The following CAPN3 variants were observed in gnomAD, a reference collection of about 807,000 sequenced individuals.
CAPN3 encodes the protein calpain-3.
In CAPN3, 88 loss-of-function variants were observed where a neutral mutation model predicts 114.0. The ratio of observed to expected loss-of-function variants is 0.77; its 90% CI spans 0.65 to 0.92. The LOEUF (loss-of-function observed/expected upper bound fraction) is 0.92. CAPN3 is among the 40% of genes least tolerant of loss of function. The pLI is 0.00. For synonymous variants in CAPN3, 386 were observed against 382.9 expected, an observed-to-expected ratio of 1.01 and a Z score of -0.09; for missense variants, 1,028 against 1,069.0, an observed-to-expected ratio of 0.96 and a Z score of 0.53.
At chr15:42,376,488 TTCTTCACTGGGAGCTCTCA>T (rs2053091745) in intron 1 of CAPN3, among the ~76,000 whole-genome samples, 1 of 152,152 alleles carries the variant, frequency 6.6e-6, no homozygotes, top group Non-Finnish European at 1.5e-5. Context: ...TGTCCCAGCT[TTCTTCACTGGGAGCTCTCA>T]GTTGGCTCCT....
chr15:42,403,889 G>A (rs1342229916), intron 14 of CAPN3, 112 bp downstream of exon 14: 1 of 981,744 alleles, frequency 1.0e-6, no homozygotes, highest in African/African-American at 1.6e-5. Context: ...ATGGGAGTCT[G>A]GGCTGTGCTG....
chr15:42,377,393 TC>T (rs1297723607), intron 1 of CAPN3, among the ~76,000 whole-genome samples: 1 of 152,232 alleles, frequency 6.6e-6, no homozygotes, highest in East Asian at 1.9e-4. Flanking sequence ...TGAATGGGTG[TC>T]AGATTTTGTC....
Position 42,359,561 on chromosome 15 carries a change from T to G in CAPN3, c.-245T>G. 1 of 1,371,852 alleles carries G rather than the reference T, an allele frequency of 7.3e-7. No homozygotes were observed. Among genetic ancestry groups the G allele is most frequent in the Non-Finnish European group, 9.4e-7 (1 of 1,062,702 alleles). 85.0% of individuals were successfully genotyped at this position (1,371,852 alleles called of 1,614,324 possible). On this transcript the variant is annotated 5_prime_UTR_variant, in exon 1 of 24. It adds an upstream start codon to the 5' untranslated region. Coordinates refer to ENST00000397163, the MANE Select transcript of CAPN3 (RefSeq NM_000070.3). ...TGGTAGGAGACCCCCAAGTCAACAT[T>G]GCTTCAGAAATCCTTTAGCACTCAT...
At chr15:42,411,366 A>G (rs376740475) in intron 23 of CAPN3, 21 bp downstream of exon 23, 1 of 1,610,678 alleles carries the variant, frequency 6.2e-7, no homozygotes, top group East Asian at 2.2e-5. Context: ...GGCACAGCAC[A>G]TTCCCCCTAC....
Position 42,359,878 on chromosome 15 carries a change from C to T in CAPN3, c.73C>T (p.His25Tyr), listed in dbSNP as rs61735534. The T allele has an allele frequency of 1.5e-3, 2,361 of 1,614,210 alleles. 36 individuals carry two copies. In the African/African-American group the frequency reaches 0.028, roughly 19 times the overall value. ...AEPRSPGPVP[H>Y]PAQSKATEAG... The stretch of plus-strand genomic sequence containing the variant: ...GCCCCGGTCCCCAGGGCCAGTTCCT[C>T]ACCCGGCCCAGAGCAAGGCCACTGA... The change falls in exon 1 of 24, where the codon CAC becomes TAC. Residue 25 changes from histidine (H) to tyrosine (Y), a missense_variant. Coordinates refer to ENST00000397163, the MANE Select transcript of CAPN3 (RefSeq NM_000070.3).
At position 42,359,722 on chromosome 15, in the gene CAPN3, T is replaced by C; in HGVS notation, c.-84T>C. ...TCTCAGATGACAGAATTACTCCAACTTCCCCTTTGCAGTTGCTTCCTTTCC... is the reference window on the plus strand; with the variant it reads ...TCTCAGATGACAGAATTACTCCAACCTCCCCTTTGCAGTTGCTTCCTTTCC... On this transcript the variant is annotated 5_prime_UTR_variant, in exon 1 of 24. Transcript: ENST00000397163. 1.2e-6 allele frequency: 2 copies of C among 1,601,436 alleles called. No homozygotes were observed. Among genetic ancestry groups the C allele is most frequent in the Non-Finnish European group, 8.5e-7 (1 of 1,175,944 alleles).
chr15:42,371,762 G>A (rs940577702), intron 1 of CAPN3, among the ~76,000 whole-genome samples: 10 of 152,022 alleles, frequency 6.6e-5, no homozygotes, highest in Non-Finnish European at 4.4e-5. Flanking sequence ...TCAGGAGTTC[G>A]AGACCAGCCC....
At chr15:42,396,182 G>C (rs1566978196) in intron 8 of CAPN3, among the ~76,000 whole-genome samples, 1 of 151,962 alleles carries the variant, frequency 6.6e-6, no homozygotes, top group Non-Finnish European at 1.5e-5. Context: ...ACCTGCCCAA[G>C]GTTGCATAGC....
At position 42,390,115 on chromosome 15, in the gene CAPN3, A is replaced by T. The variant is rs759821346; in HGVS notation, c.945+19A>T. The T allele has an allele frequency of 1.9e-6, 3 of 1,613,940 alleles. No homozygotes were observed. The Admixed American group carries it at 5.0e-5, about 27-fold the overall frequency. ...GACCCGGGTGTGTACACCTCCGATT[A>T]TCAGAACTGACCATCCCTCCAACCC... On this transcript the variant is annotated intron_variant, in intron 6 of 23. Coordinates refer to ENST00000397163, the MANE Select transcript of CAPN3 (RefSeq NM_000070.3).
At chr15:42,384,824 C>T (rs1198357069) in intron 2 of CAPN3, among the ~76,000 whole-genome samples, 1 of 152,188 alleles carries the variant, frequency 6.6e-6, no homozygotes. Flanking sequence ...TTACATACCC[C>T]ACTCAGCATG....
intron 15 of CAPN3, among the ~76,000 whole-genome samples, chr15:42,406,199 A>G (rs949219013): frequency 1.3e-5 from 2 of 152,230 alleles, no homozygotes; most frequent in Non-Finnish European, 1.5e-5. Flanking sequence ...CTATGAGATT[A>G]GTACTATAAC....
At chr15:42,376,166 C>A (rs1237522806) in intron 1 of CAPN3, among the ~76,000 whole-genome samples, 3 of 152,124 alleles carry the variant, frequency 2.0e-5, no homozygotes, top group Non-Finnish European at 1.5e-5. Context: ...TGGTGTTGAC[C>A]TTGGTCATGT....
intron 10 of CAPN3, among the ~76,000 whole-genome samples, chr15:42,401,061 G>GT (rs1369369401): frequency 6.6e-6 from 1 of 152,038 alleles, no homozygotes; most frequent in Non-Finnish European, 1.5e-5. Flanking sequence ...GGGGATGATG[G>GT]TGGGTGCCTG....
chr15:42,411,542 C>G (rs1242050215), intron 23 of CAPN3, among the ~76,000 whole-genome samples, 197 bp downstream of exon 23: 3 of 152,044 alleles, frequency 2.0e-5, no homozygotes, highest in Non-Finnish European at 4.4e-5. Flanking sequence ...TCTGCTCCCC[C>G]AGTCACTTGA....
intron 14 of CAPN3, among the ~76,000 whole-genome samples, chr15:42,405,514 G>A (rs1384387774): frequency 1.3e-5 from 2 of 152,148 alleles, no homozygotes; most frequent in Non-Finnish European, 2.9e-5. Flanking sequence ...GTTTCACCAT[G>A]TTGGCCAGGA....
intron 2 of CAPN3, among the ~76,000 whole-genome samples, chr15:42,385,056 A>G (rs16973200): frequency 0.042 from 6,383 of 152,224 alleles, 407 homozygotes; most frequent in African/African-American, 0.13. Flanking sequence ...TGAGCATCCA[A>G]TTTTCTCTTT....
intron 15 of CAPN3, among the ~76,000 whole-genome samples, chr15:42,406,426 C>CTGG (rs557729920): frequency 1.2e-3 from 190 of 152,274 alleles, no homozygotes; most frequent in Admixed American, 4.2e-3. Flanking sequence ...CCTCCAGGTA[C>CTGG]TGGTGCTGGC....
intron 1 of CAPN3, among the ~76,000 whole-genome samples, chr15:42,371,715 G>C (rs976155313): frequency 6.6e-6 from 1 of 152,108 alleles, no homozygotes; most frequent in African/African-American, 2.4e-5. Flanking sequence ...TGTAATCCCA[G>C]CACTTTGGGA....
intron 5 of CAPN3, 118 bp from the exon 6 acceptor site, chr15:42,389,835 C>G (rs988031430): frequency 6.5e-6 from 7 of 1,079,198 alleles, no homozygotes; most frequent in African/African-American, 1.6e-5. Flanking sequence ...CTCTGTTGAT[C>G]TCTCCTCTCT....
Sources: allele counts gnomAD v4.1 joint callset (sites outside exome capture counted in the v4.1 genomes callset), GRCh38; gene constraint gnomAD v4.1.1; transcripts MANE v1.5; gene names NCBI Gene and HGNC (gene_info 2026-07-23, HGNC 2026-07-21).